The following SLC41A3 variants were observed in gnomAD, a reference collection of about 807,000 sequenced individuals.
SLC41A3 encodes the protein SLC41A1-like 2.
A neutral mutation model predicts 45.4 loss-of-function variants in SLC41A3; 44 were observed. The observed-to-expected ratio is 0.97, with a 90% CI of 0.76 to 1.25. The LOEUF (loss-of-function observed/expected upper bound fraction) is 1.25. SLC41A3 is among the 50% of genes most tolerant of loss of function. The pLI, the probability that SLC41A3 is intolerant of heterozygous loss-of-function variation, is 0.00. For missense variants in SLC41A3, 550 were observed against 600.6 expected (o/e 0.92, Z 0.88); for synonymous variants, 256 against 252.4 (o/e 1.01, Z -0.13).
intron 2 of SLC41A3, among the ~76,000 whole-genome samples, chr3:126,066,013 T>C (rs1490959859): frequency 1.3e-5 from 2 of 152,202 alleles, no homozygotes; most frequent in African/African-American, 2.4e-5. Flanking sequence ...CTGGTACTGA[T>C]GCTTTTAGCC....
chr3:126,071,758 C>T (rs569149437), intron 1 of SLC41A3, among the ~76,000 whole-genome samples: 115 of 146,296 alleles, frequency 7.9e-4, no homozygotes, highest in South Asian at 6.1e-3. Flanking sequence ...TATAAATATG[C>T]GGAAATTAAA....
intron 1 of SLC41A3, among the ~76,000 whole-genome samples, chr3:126,069,676 T>G (rs1201499562): frequency 1.3e-5 from 2 of 152,034 alleles, no homozygotes; most frequent in Admixed American, 6.6e-5. Flanking sequence ...ATTGGCTGTT[T>G]TAAATATGTT....
In SLC41A3 at chr3:126,089,918, G is replaced by C. The variant is rs563577722; in HGVS notation, c.-79+11511C>G. On this transcript the variant is annotated intron_variant, in intron 1 of 9. Transcript: ENST00000508835. ...CTGGGAGGAGTTGCTGGATTCCACA[G>C]TGCCTGATAGACAGCTCTCATGAGC... Among the ~76,000 whole-genome samples, 13 of 152,128 alleles carry C rather than the reference G, an allele frequency of 8.5e-5. No homozygotes were observed. The East Asian group carries it at 2.5e-3, about 29-fold the overall frequency.
intron 1 of SLC41A3, among the ~76,000 whole-genome samples, chr3:126,100,172 TC>T (rs1945681352): frequency 6.7e-6 from 1 of 150,252 alleles, no homozygotes; most frequent in Non-Finnish European, 1.5e-5. Flanking sequence ...AAGACAGGTC[TC>T]CACTCTGCCA....
intron 2 of SLC41A3, among the ~76,000 whole-genome samples, chr3:126,053,727 G>T (rs889404486): frequency 6.6e-6 from 1 of 152,020 alleles, no homozygotes; most frequent in Non-Finnish European, 1.5e-5. Context: ...GCCTCCCAGT[G>T]TCTATGACTC....
At chr3:126,012,790 C>T in intron 8 of SLC41A3, 41 bp from the exon 9 acceptor site, 1 of 1,611,646 alleles carries the variant, frequency 6.2e-7, no homozygotes. Flanking sequence ...TTCTTTACGC[C>T]AGTCTCTAAG....
intron 1 of SLC41A3, among the ~76,000 whole-genome samples, chr3:126,070,035 A>G (rs1353960113): frequency 6.6e-6 from 1 of 152,230 alleles, no homozygotes; most frequent in Non-Finnish European, 1.5e-5. Context: ...GGGAAGGCAG[A>G]AAGATATTTG....
At chr3:126,047,702 GA>G (rs1412201592) in intron 3 of SLC41A3, among the ~76,000 whole-genome samples, 10 of 152,310 alleles carry the variant, frequency 6.6e-5, no homozygotes, top group Admixed American at 2.0e-4. Flanking sequence ...GCAAAAGAAT[GA>G]AGTTGGATGC....
chr3:126,065,902 A>G (rs1040177894), intron 2 of SLC41A3, among the ~76,000 whole-genome samples: 6 of 152,212 alleles, frequency 3.9e-5, no homozygotes, highest in Non-Finnish European at 7.4e-5. Flanking sequence ...AAATAGAAAT[A>G]TCAAGACCTC....
At position 126,035,961 on chromosome 3, in the gene SLC41A3, G is replaced by C. The variant is rs557863296; in HGVS notation, c.382-2283C>G. Among the ~76,000 whole-genome samples the C allele has an allele frequency of 3.3e-5, 5 of 152,342 alleles. No homozygotes were observed. The East Asian group carries it at 9.6e-4, about 29-fold the overall frequency. On this transcript the variant is annotated intron_variant, in intron 3 of 10. Coordinates refer to ENST00000360370, the MANE Select transcript of SLC41A3 (RefSeq NM_017836.4). ...GGGCCAGTCTGAATAGGAATGAAGA[G>C]TTCAAAGAGAAAACCAGTGGGAGGC... is the stretch of plus-strand genomic sequence containing the variant.
At chr3:126,082,341 G>A (rs1576375864) in intron 1 of SLC41A3, among the ~76,000 whole-genome samples, 2 of 152,218 alleles carry the variant, frequency 1.3e-5, no homozygotes, top group East Asian at 1.9e-4. Flanking sequence ...TCCCCACAGA[G>A]GACATTGGGC....
At chr3:126,016,609 A>G (rs1290507510) in intron 7 of SLC41A3, 122 bp downstream of exon 7, 1 of 1,296,008 alleles carries the variant, frequency 7.7e-7, no homozygotes, top group Non-Finnish European at 1.0e-6. Context: ...GGAGTTACTG[A>G]AAGAGCCCAC....
intron 9 of SLC41A3, among the ~76,000 whole-genome samples, chr3:126,011,720 T>C (rs75329472): frequency 0.021 from 3,169 of 152,234 alleles, 77 homozygotes; most frequent in African/African-American, 0.057. Flanking sequence ...GCAAAATAAA[T>C]TGAAATGGCA....
At chr3:126,035,884 C>G (rs1942152294) in intron 3 of SLC41A3, among the ~76,000 whole-genome samples, 1 of 152,096 alleles carries the variant, frequency 6.6e-6, no homozygotes, top group African/African-American at 2.4e-5. Context: ...GGATATTTTT[C>G]TGCCCTGGAA....
chr3:126,022,679 C>T, intron 6 of SLC41A3, 107 bp downstream of exon 6: 1 of 1,389,978 alleles, frequency 7.2e-7, no homozygotes, highest in Non-Finnish European at 9.9e-7. Flanking sequence ...ATTCAAACAA[C>T]AGCACATGGG....
Position 126,012,667 on chromosome 3 carries a change from G to C in SLC41A3, c.1053C>G (p.Pro351=), listed in dbSNP as rs1939839608. The change falls in exon 9 of 11, where the codon CCC becomes CCG. Residue 351 remains proline, a synonymous_variant. Coordinates refer to ENST00000360370, the MANE Select transcript of SLC41A3 (RefSeq NM_017836.4). ...LHMWSAPGVL[P]LQMKKFWPNP... ...TGGGCCAGAATTTCTTCATCTGGAG[G>C]GGCAGGACGCCAGGTGCACTCCACA... 1 of 1,614,040 alleles carries C rather than the reference G, an allele frequency of 6.2e-7. No individual in the cohort carries two copies. The highest frequency in any genetic ancestry group is 1.7e-5 in the Admixed American group (1 of 60,008).
chr3:126,091,678 C>T (rs567195223), intron 1 of SLC41A3, among the ~76,000 whole-genome samples: 1 of 152,216 alleles, frequency 6.6e-6, no homozygotes, highest in South Asian at 2.1e-4. Flanking sequence ...TTAATTCTTT[C>T]CTGGATCAGG....
At chr3:126,054,340 G>C (rs1320000313) in intron 2 of SLC41A3, among the ~76,000 whole-genome samples, 1 of 152,164 alleles carries the variant, frequency 6.6e-6, no homozygotes, top group African/African-American at 2.4e-5. Context: ...GGGCTGCAAA[G>C]GCCCCTGTAC....
chr3:126,048,104 C>T (rs7637654), intron 3 of SLC41A3, among the ~76,000 whole-genome samples: 8,294 of 152,118 alleles, frequency 0.055, 708 homozygotes, highest in African/African-American at 0.18. Flanking sequence ...GACATACAAA[C>T]GGCCAATAAG....
Sources: gnomAD v4.1 joint callset for allele counts (sites outside exome capture counted in the v4.1 genomes callset) on GRCh38, gnomAD v4.1.1 for gene constraint, MANE v1.5 for transcripts, NCBI Gene and HGNC (gene_info 2026-07-23, HGNC 2026-07-21) for gene names.